CRYBG3: variants seen among roughly 807,000 people sequenced by gnomAD.
The protein encoded by CRYBG3 is crystallin beta-gamma domain containing 3.
In CRYBG3, 127 loss-of-function variants were observed where a neutral mutation model predicts 244.2. That is an observed-to-expected ratio of 0.52 (90% CI 0.45 to 0.60). The LOEUF is 0.60. CRYBG3 is among the 20% of genes least tolerant of loss of function. CRYBG3 has a pLI of 0.00. For missense variants in CRYBG3, 3,325 were observed against 3,442.5 expected (o/e 0.97, Z 0.85); for synonymous variants, 1,132 against 1,195.8 (o/e 0.95, Z 1.10).
chr3:97,943,443 TC>T lies in CRYBG3; in HGVS notation c.*130del. 1 of 639,274 alleles carries T rather than the reference TC, an allele frequency of 1.6e-6. No homozygotes were observed. Among genetic ancestry groups the T allele is most frequent in the South Asian group, 1.8e-5 (1 of 54,164 alleles). The allele number at this position is 639,274 out of a possible 1,614,324, so 39.6% of individuals were successfully genotyped here. A position where few individuals can be genotyped will look rare whatever the true frequency, so the allele number is the denominator to read the frequency against. ...GGATCACTGAGCAGAATGAACATTT[TC>T]TCCAGCCTCTGAGACTATCGCTCTT... On this transcript the variant is annotated 3_prime_UTR_variant, in exon 22 of 22. Coordinates refer to ENST00000389622, the MANE Select transcript of CRYBG3 (RefSeq NM_153605.4).
chr3:97,890,723 G>A (rs1217444827), intron 10 of CRYBG3, among the ~76,000 whole-genome samples: 1 of 152,112 alleles, frequency 6.6e-6, no homozygotes, highest in African/African-American at 2.4e-5. Flanking sequence ...TTGATTTAGT[G>A]TTTTTAAGCA....
intron 2 of CRYBG3, among the ~76,000 whole-genome samples, chr3:97,862,258 G>A (rs2039161583): frequency 6.6e-6 from 1 of 152,098 alleles, no homozygotes; most frequent in Admixed American, 6.6e-5. Context: ...AAAAATTACT[G>A]TTTTGAGATT....
At chr3:97,900,641 A>T (rs2108240578) in intron 15 of CRYBG3, among the ~76,000 whole-genome samples, 156 bp downstream of exon 15, 2 of 152,284 alleles carry the variant, frequency 1.3e-5, no homozygotes, top group South Asian at 4.1e-4. Context: ...AGAAGAATTC[A>T]CATCTTTGTC....
chr3:97,873,467 T>C lies in CRYBG3; in HGVS notation c.2273T>C (p.Leu758Ser). 1 of 1,535,882 alleles carries C rather than the reference T, an allele frequency of 6.5e-7. No individual in the cohort carries two copies. Among genetic ancestry groups the C allele is most frequent in the Non-Finnish European group, 8.7e-7 (1 of 1,146,804 alleles). The change falls in exon 4 of 22, where the codon TTG becomes TCG. Residue 758 changes from leucine (L) to serine (S), a missense_variant. Leu to Ser is a moderately radical substitution (Grantham distance 145). Transcript: ENST00000389622. ...GCCAGTGGCCCTCACTTAACTGGGT[T>C]GGAGCTATTGAGCTTTGACTCTGGA... Reference protein sequence around the residue: ...SEASGPHLTGLELLSFDSGNL... With the variant: ...SEASGPHLTGSELLSFDSGNL...
At chr3:97,855,629 T>G (rs1455598585) in intron 2 of CRYBG3, among the ~76,000 whole-genome samples, 1 of 152,156 alleles carries the variant, frequency 6.6e-6, no homozygotes, top group Non-Finnish European at 1.5e-5. Context: ...TTTTCTATTT[T>G]CCTTAAGCGT....
At chr3:97,857,695 A>T (rs2039086427) in intron 2 of CRYBG3, among the ~76,000 whole-genome samples, 1 of 151,384 alleles carries the variant, frequency 6.6e-6, no homozygotes, top group Admixed American at 6.6e-5. Context: ...ATTTACTTTC[A>T]TTCTGTATGT....
chr3:97,904,498 T>A (rs935625878), intron 15 of CRYBG3, among the ~76,000 whole-genome samples: 1 of 152,144 alleles, frequency 6.6e-6, no homozygotes, highest in Non-Finnish European at 1.5e-5. Context: ...ATCTGAAATA[T>A]GCTTCACTGG....
intron 10 of CRYBG3, among the ~76,000 whole-genome samples, chr3:97,892,498 A>G (rs1188179334): frequency 1.3e-5 from 2 of 152,092 alleles, no homozygotes; most frequent in African/African-American, 4.8e-5. Flanking sequence ...ATCATTAGTG[A>G]TTTCACCATT....
Position 97,899,001 on chromosome 3 carries a change from G to A in CRYBG3, c.7820G>A (p.Arg2607Lys), listed in dbSNP as rs764685069. The change falls in exon 13 of 22, where the codon AGA becomes AAA. Residue 2607 changes from arginine to lysine, a missense_variant. By Grantham distance (26) the Arg-to-Lys change is conservative. Coordinates refer to ENST00000389622, the MANE Select transcript of CRYBG3 (RefSeq NM_153605.4). ...GAAATTGGCTTTGGCAGTAAAACAAGATCCATTCATGTTAAAAGTGGAGTG... is the reference window on the plus strand; with the variant it reads ...GAAATTGGCTTTGGCAGTAAAACAAAATCCATTCATGTTAAAAGTGGAGTG... ...LEEIGFGSKT[R>K]SIHVKSGVWV... The A allele has an allele frequency of 6.2e-7, 1 of 1,612,382 alleles. No homozygotes were observed. The highest frequency in any genetic ancestry group is 8.5e-7 in the Non-Finnish European group (1 of 1,179,470).
chr3:97,885,593 G>C (rs1338662434), intron 7 of CRYBG3, among the ~76,000 whole-genome samples: 2 of 152,100 alleles, frequency 1.3e-5, no homozygotes, highest in Non-Finnish European at 2.9e-5. Context: ...TTTTGAGTTA[G>C]AACTTGACTA....
At chr3:97,897,311 A>C (rs1250835822) in intron 12 of CRYBG3, among the ~76,000 whole-genome samples, 3 of 152,110 alleles carry the variant, frequency 2.0e-5, no homozygotes, top group Non-Finnish European at 2.9e-5. Flanking sequence ...TGGAATTTAA[A>C]AGTAATCAAA....
intron 18 of CRYBG3, among the ~76,000 whole-genome samples, chr3:97,934,319 GAT>G (rs1175510748): frequency 1.3e-5 from 2 of 151,986 alleles, no homozygotes; most frequent in Non-Finnish European, 2.9e-5. Flanking sequence ...TTAAAATTAT[GAT>G]AGAAATATTA....
chr3:97,822,052 C>G lies in CRYBG3; in HGVS notation c.-155C>G, dbSNP rs530394684. 1.9e-6 allele frequency: 1 copy of G among 535,572 alleles called. No individual in the cohort carries two copies. Among genetic ancestry groups the G allele is most frequent in the Non-Finnish European group, 2.9e-6 (1 of 346,906 alleles). The allele number at this position is 535,572 out of a possible 1,614,324, so 33.2% of individuals were successfully genotyped here. On this transcript the variant is annotated 5_prime_UTR_variant, in exon 1 of 22. Coordinates refer to ENST00000389622, the MANE Select transcript of CRYBG3 (RefSeq NM_153605.4). ...GCGCGAGGAGCGCGTCGCGTCCGCA[C>G]TTCTCCTGCCCGAGAGAGACTGAGC...
In CRYBG3 at chr3:97,941,377, A is replaced by C. The variant is rs554414112; in HGVS notation, c.8664+71A>C. ...TTATTTTGAAAACTAGAATCCTGTC[A>C]AATCAACTGGCATGATAAAACAATG... On this transcript the variant is annotated intron_variant, in intron 20 of 21. Coordinates refer to ENST00000389622, the MANE Select transcript of CRYBG3 (RefSeq NM_153605.4). 7.1e-6 allele frequency: 8 copies of C among 1,121,076 alleles called. No individual in the cohort carries two copies. The East Asian group carries it at 2.1e-4, about 30-fold the overall frequency. The allele number at this position is 1,121,076 out of a possible 1,614,324, so 69.4% of individuals were successfully genotyped here. A position where few individuals can be genotyped will look rare whatever the true frequency, so the allele number is the denominator to read the frequency against.
intron 1 of CRYBG3, among the ~76,000 whole-genome samples, chr3:97,825,017 A>T (rs1401664166): frequency 1.6e-4 from 25 of 152,300 alleles, no homozygotes; most frequent in Non-Finnish European, 2.9e-5. Flanking sequence ...AAGAGAACTT[A>T]GGAAGAGAGA....
At chr3:97,822,664 C>G (rs988954457) in intron 1 of CRYBG3, among the ~76,000 whole-genome samples, 2 of 152,184 alleles carry the variant, frequency 1.3e-5, no homozygotes, top group Non-Finnish European at 2.9e-5. Flanking sequence ...TGATTGGGTT[C>G]CCGTTCCACA....
intron 8 of CRYBG3, among the ~76,000 whole-genome samples, chr3:97,887,285 T>C (rs1012687716): frequency 2.6e-5 from 4 of 152,186 alleles, no homozygotes; most frequent in African/African-American, 9.7e-5. Flanking sequence ...TGGGTCTAAG[T>C]TCAGTCTTAG....
chr3:97,855,835 A>G (rs1303959552), intron 2 of CRYBG3, among the ~76,000 whole-genome samples: 1 of 152,142 alleles, frequency 6.6e-6, no homozygotes, highest in African/African-American at 2.4e-5. Context: ...GTACTTCACA[A>G]GGTAATAGAG....
intron 1 of CRYBG3, among the ~76,000 whole-genome samples, chr3:97,825,651 G>A (rs13066996): frequency 0.22 from 33,278 of 152,138 alleles, 4,147 homozygotes; most frequent in Middle Eastern, 0.3. Context: ...CTAATTGCCA[G>A]TAGCATCCTC....
Sources: gnomAD v4.1 joint callset for allele counts (sites outside exome capture counted in the v4.1 genomes callset) on GRCh38, gnomAD v4.1.1 for gene constraint, MANE v1.5 for transcripts, NCBI Gene and HGNC (gene_info 2026-07-23, HGNC 2026-07-21) for gene names.